The following RIC1 variants were observed in gnomAD, a reference collection of about 807,000 sequenced individuals.
The protein encoded by RIC1 is guanine nucleotide exchange factor subunit RIC1.
Under a neutral mutation model 169.0 loss-of-function variants are expected in RIC1, and 88 were observed. The ratio of observed to expected loss-of-function variants is 0.52; its 90% CI spans 0.44 to 0.62. The LOEUF (loss-of-function observed/expected upper bound fraction) is 0.62. Among genes scored for constraint, RIC1 ranks in the 20% least tolerant of loss-of-function variants. The pLI is 0.00. For missense variants in RIC1, 1,877 were observed against 1,725.5 expected (o/e 1.09, Z -1.56); for synonymous variants, 790 against 601.5 (o/e 1.31, Z -4.59).
intron 1 of RIC1, among the ~76,000 whole-genome samples, chr9:5,641,340 C>G (rs974993198): frequency 1.1e-4 from 17 of 152,126 alleles, no homozygotes; most frequent in African/African-American, 3.6e-4. Context: ...ATCTGCCCGC[C>G]TCGGCCTCCC....
intron 6 of RIC1, among the ~76,000 whole-genome samples, chr9:5,727,259 A>G (rs1345790872): frequency 1.3e-5 from 2 of 150,828 alleles, no homozygotes; most frequent in Non-Finnish European, 3.0e-5. Flanking sequence ...ATTTCTTTTT[A>G]CTCTTTTTTT....
At chr9:5,741,964 A>G (rs1825110744) in intron 8 of RIC1, among the ~76,000 whole-genome samples, 1 of 152,182 alleles carries the variant, frequency 6.6e-6, no homozygotes, top group Non-Finnish European at 1.5e-5. Context: ...TGGGAGCACT[A>G]CATCAGTCTG....
intron 19 of RIC1, 183 bp from the exon 20 acceptor site, chr9:5,765,231 A>T: frequency 1.7e-6 from 1 of 584,368 alleles, no homozygotes; most frequent in Non-Finnish European, 3.0e-6. Context: ...ATTATAGTTT[A>T]CATACACCAG....
intron 2 of RIC1, among the ~76,000 whole-genome samples, chr9:5,669,886 T>A (rs543170725): frequency 6.6e-6 from 1 of 152,128 alleles, no homozygotes; most frequent in Non-Finnish European, 1.5e-5. Context: ...TGATCAGACA[T>A]CACTTAGGGG....
downstream of RIC1, among the ~76,000 whole-genome samples, chr9:5,778,401 C>A (rs933907565): frequency 6.6e-6 from 1 of 152,176 alleles, no homozygotes; most frequent in Non-Finnish European, 1.5e-5. Context: ...TCCTGCCAAA[C>A]GGTCCTGGCT....
chr9:5,736,794 T>C (rs149554310), intron 7 of RIC1, among the ~76,000 whole-genome samples: 1 of 152,124 alleles, frequency 6.6e-6, no homozygotes, highest in East Asian at 1.9e-4. Context: ...AAAACAGAAA[T>C]TATCCAAAAT....
At chr9:5,661,350 C>A (rs774309280) in intron 2 of RIC1, among the ~76,000 whole-genome samples, 15 of 151,986 alleles carry the variant, frequency 9.9e-5, no homozygotes, top group African/African-American at 3.6e-4. Flanking sequence ...TTTAAAATAG[C>A]TTTTTTCTAA....
chr9:5,703,979 C>G (rs1822400230), intron 3 of RIC1, among the ~76,000 whole-genome samples: 1 of 151,824 alleles, frequency 6.6e-6, no homozygotes, highest in Admixed American at 6.6e-5. Flanking sequence ...GACTGTTTTC[C>G]CACAAGCCAT....
Position 5,639,976 on chromosome 9 carries a change from G to C in RIC1, c.144+10523G>C, listed in dbSNP as rs181694988. ...ATGCATACCTTTGTATGTGAAGTGT[G>C]TTTCTTGTGGGCAACAGATCAGTGG... On this transcript the variant is annotated intron_variant, in intron 1 of 25. Coordinates refer to ENST00000414202, the MANE Select transcript of RIC1 (RefSeq NM_020829.4). Among the ~76,000 whole-genome samples the C allele has an allele frequency of 1.3e-4, 20 of 152,226 alleles. No homozygotes were observed. The East Asian group carries it at 3.7e-3, about 28-fold the overall frequency.
chr9:5,767,985 C>G (rs1165175361), intron 21 of RIC1, among the ~76,000 whole-genome samples: 1 of 152,170 alleles, frequency 6.6e-6, no homozygotes, highest in Non-Finnish European at 1.5e-5. Flanking sequence ...TGAGGGTTAT[C>G]CACATTGTAT....
intron 1 of RIC1, among the ~76,000 whole-genome samples, chr9:5,637,716 GTC>G (rs1818040718): frequency 6.6e-6 from 1 of 152,152 alleles, no homozygotes; most frequent in South Asian, 2.1e-4. Context: ...TGCGATGTTT[GTC>G]TCTCTATGCC....
intron 6 of RIC1, among the ~76,000 whole-genome samples, chr9:5,728,494 G>C (rs1241003433): frequency 6.6e-6 from 1 of 152,232 alleles, no homozygotes; most frequent in East Asian, 1.9e-4. Flanking sequence ...CACTTCCCGG[G>C]TGAGGTGATG....
chr9:5,726,331 C>G (rs906061349), intron 6 of RIC1, among the ~76,000 whole-genome samples: 1 of 152,080 alleles, frequency 6.6e-6, no homozygotes, highest in African/African-American at 2.4e-5. Flanking sequence ...CTCTATTGAT[C>G]TTTGTTGGTT....
intron 11 of RIC1, among the ~76,000 whole-genome samples, chr9:5,746,552 A>T (rs901099194): frequency 1.3e-5 from 2 of 152,138 alleles, no homozygotes; most frequent in African/African-American, 4.8e-5. Context: ...AAAATCCAGG[A>T]GGTGGTATAT....
chr9:5,672,270 T>C (rs1406333017), intron 2 of RIC1, among the ~76,000 whole-genome samples: 3 of 152,180 alleles, frequency 2.0e-5, no homozygotes, highest in African/African-American at 7.2e-5. Context: ...GGGAGCTCAT[T>C]AACTTTACGA....
chr9:5,690,248 A>G (rs1489697834), intron 3 of RIC1, among the ~76,000 whole-genome samples: 1 of 152,150 alleles, frequency 6.6e-6, no homozygotes, highest in Non-Finnish European at 1.5e-5. Flanking sequence ...AACTATATCA[A>G]GACTATTTTC....
intron 6 of RIC1, among the ~76,000 whole-genome samples, chr9:5,728,968 A>C (rs10815274): frequency 0.45 from 68,241 of 151,916 alleles, 16,372 homozygotes; most frequent in East Asian, 0.85. Flanking sequence ...TGAGTTATTT[A>C]CTTGGGGGTC....
intron 15 of RIC1, 105 bp from the exon 16 acceptor site, chr9:5,756,104 TAAA>T (rs370435478): frequency 2.5e-3 from 1,157 of 463,812 alleles, no homozygotes; most frequent in South Asian, 3.6e-3. Context: ...CTCCTGTTAC[TAAA>T]AAAAAAAAAA....
chr9:5,646,412 A>T (rs930981500), intron 1 of RIC1, among the ~76,000 whole-genome samples: 2 of 152,204 alleles, frequency 1.3e-5, no homozygotes, highest in Non-Finnish European at 2.9e-5. Flanking sequence ...GGCCCTATAA[A>T]ATTCTAATGG....
Sources: gnomAD v4.1 joint callset for allele counts (sites outside exome capture counted in the v4.1 genomes callset) on GRCh38, gnomAD v4.1.1 for gene constraint, MANE v1.5 for transcripts, NCBI Gene and HGNC (gene_info 2026-07-23, HGNC 2026-07-21) for gene names.